Variants in CTNND2 observed in about 807,000 individuals in gnomAD.
CTNND2 encodes catenin delta-2.
A neutral mutation model predicts 144.4 loss-of-function variants in CTNND2; 22 were observed. The ratio of observed to expected loss-of-function variants is 0.15; its 90% CI spans 0.11 to 0.22. The LOEUF is 0.22. Among genes scored for constraint, CTNND2 ranks in the 10% least tolerant of loss-of-function variants. The probability of loss-of-function intolerance (pLI) is 1.00; values close to 1 mark genes in which losing one functional copy is unlikely to be tolerated. For missense variants in CTNND2, 1,353 were observed against 1,618.8 expected (o/e 0.84, Z 2.82); for synonymous variants, 751 against 695.6 (o/e 1.08, Z -1.25).
chr5:11,034,123 TA>T (rs1173439973), intron 16 of CTNND2, among the ~76,000 whole-genome samples: 2 of 152,196 alleles, frequency 1.3e-5, no homozygotes, highest in Non-Finnish European at 2.9e-5. Context: ...ACTGATTTGA[TA>T]ATATTAGGGG....
chr5:11,848,000 C>T (rs924187761), intron 1 of CTNND2, among the ~76,000 whole-genome samples: 1 of 151,936 alleles, frequency 6.6e-6, no homozygotes, highest in African/African-American at 2.4e-5. Flanking sequence ...TTATTTAATG[C>T]TTATTTTAAT....
At chr5:11,339,343 A>G (rs1345619919) in intron 9 of CTNND2, among the ~76,000 whole-genome samples, 5 of 152,082 alleles carry the variant, frequency 3.3e-5, no homozygotes, top group Non-Finnish European at 2.9e-5. Flanking sequence ...AGGGACATCT[A>G]CAAATGACCA....
chr5:11,279,186 A>G (rs1746862727), intron 9 of CTNND2, among the ~76,000 whole-genome samples: 1 of 152,162 alleles, frequency 6.6e-6, no homozygotes, highest in African/African-American at 2.4e-5. Flanking sequence ...TATAACACCA[A>G]TCCAGAACCG....
intron 2 of CTNND2, among the ~76,000 whole-genome samples, chr5:11,623,828 A>ACG (rs1379937399): frequency 8.3e-6 from 1 of 120,734 alleles, no homozygotes; most frequent in Non-Finnish European, 1.7e-5. Context: ...ATATATATAT[A>ACG]TATATATATA....
chr5:11,758,646 C>T (rs1789086099), intron 1 of CTNND2, among the ~76,000 whole-genome samples: 1 of 152,018 alleles, frequency 6.6e-6, no homozygotes, highest in Admixed American at 6.6e-5. Flanking sequence ...TTTACAATTA[C>T]TTTATGTAAC....
intron 3 of CTNND2, among the ~76,000 whole-genome samples, chr5:11,550,508 C>A (rs1775660887): frequency 6.6e-6 from 1 of 152,196 alleles, no homozygotes; most frequent in South Asian, 2.1e-4. Flanking sequence ...ATGCCTTGGA[C>A]AGATCTTTTC....
chr5:11,069,402 G>A (rs1747983198), intron 16 of CTNND2, among the ~76,000 whole-genome samples: 1 of 152,156 alleles, frequency 6.6e-6, no homozygotes, highest in Admixed American at 6.5e-5. Context: ...AAAAGGAGGT[G>A]AAAGAGCCAT....
intron 1 of CTNND2, among the ~76,000 whole-genome samples, chr5:11,867,398 C>G (rs1416363787): frequency 6.6e-6 from 1 of 152,204 alleles, no homozygotes; most frequent in African/African-American, 2.4e-5. Flanking sequence ...GGAATAACAT[C>G]TCAGATTATT....
At chr5:10,997,656 C>A (rs1414485008) in intron 18 of CTNND2, among the ~76,000 whole-genome samples, 1 of 151,920 alleles carries the variant, frequency 6.6e-6, no homozygotes, top group Non-Finnish European at 1.5e-5. Context: ...GGGCAGAAGT[C>A]CTAAATATGA....
At chr5:11,048,038 A>G (rs777236822) in intron 16 of CTNND2, among the ~76,000 whole-genome samples, 1 of 152,070 alleles carries the variant, frequency 6.6e-6, no homozygotes. Context: ...TGGCCGCTTC[A>G]CCATCCCCAA....
chr5:11,498,170 A>C (rs1485209451), intron 3 of CTNND2, among the ~76,000 whole-genome samples: 4 of 152,218 alleles, frequency 2.6e-5, no homozygotes, highest in Non-Finnish European at 4.4e-5. Flanking sequence ...TTTGTTGCCC[A>C]ATTTTACTGC....
intron 3 of CTNND2, among the ~76,000 whole-genome samples, chr5:11,554,358 G>A (rs959428306): frequency 5.9e-5 from 9 of 152,122 alleles, no homozygotes; most frequent in East Asian, 1.9e-4. Context: ...GAGACATTTA[G>A]GTGACTATTT....
intron 3 of CTNND2, among the ~76,000 whole-genome samples, chr5:11,448,842 T>G (rs907120646): frequency 2.6e-5 from 4 of 151,854 alleles, no homozygotes; most frequent in Admixed American, 6.6e-5. Flanking sequence ...CTTTTTGTGT[T>G]TTTTTTTGCT....
At chr5:11,378,583 C>A (rs1044433404) in intron 7 of CTNND2, among the ~76,000 whole-genome samples, 1 of 152,172 alleles carries the variant, frequency 6.6e-6, no homozygotes, top group Non-Finnish European at 1.5e-5. Flanking sequence ...GTGAGAACTG[C>A]GCAATGCTTG....
intron 6 of CTNND2, among the ~76,000 whole-genome samples, chr5:11,391,512 C>A (rs1227794782): frequency 6.6e-6 from 1 of 152,076 alleles, no homozygotes; most frequent in Non-Finnish European, 1.5e-5. Flanking sequence ...GAACTTACTC[C>A]CTGGGATGTA....
intron 2 of CTNND2, among the ~76,000 whole-genome samples, chr5:11,614,838 C>A (rs1266207697): frequency 6.6e-6 from 1 of 152,170 alleles, no homozygotes; most frequent in Non-Finnish European, 1.5e-5. Context: ...TGGCCCTGGA[C>A]AATTCTGGAA....
At chr5:11,636,293 T>C (rs965355678) in intron 2 of CTNND2, among the ~76,000 whole-genome samples, 3 of 152,194 alleles carry the variant, frequency 2.0e-5, no homozygotes, top group African/African-American at 4.8e-5. Flanking sequence ...CATTGTTCAG[T>C]AGCTGTACCT....
intron 2 of CTNND2, among the ~76,000 whole-genome samples, chr5:11,723,451 T>C (rs1258408656): frequency 6.6e-6 from 1 of 152,076 alleles, no homozygotes; most frequent in Non-Finnish European, 1.5e-5. Flanking sequence ...GCAGCCCAAA[T>C]GGAAGATCTA....
intron 2 of CTNND2, among the ~76,000 whole-genome samples, chr5:11,577,872 A>G (rs1250976646): frequency 6.6e-6 from 1 of 152,208 alleles, no homozygotes; most frequent in African/African-American, 2.4e-5. Flanking sequence ...TGTTTTTGAC[A>G]TTTGAGGGTC....
Sources: gnomAD v4.1 joint callset for allele counts (sites outside exome capture counted in the v4.1 genomes callset) on GRCh38, gnomAD v4.1.1 for gene constraint, MANE v1.5 for transcripts, NCBI Gene and HGNC (gene_info 2026-07-23, HGNC 2026-07-21) for gene names.